The following ABHD4 variants were observed in gnomAD, a reference collection of about 807,000 sequenced individuals.
ABHD4 encodes the protein (Lyso)-N-acylphosphatidylethanolamine lipase.
In ABHD4, 35 loss-of-function variants were observed where a neutral mutation model predicts 42.3. The ratio of observed to expected loss-of-function variants is 0.83; its 90% CI spans 0.63 to 1.10. The LOEUF (loss-of-function observed/expected upper bound fraction) is 1.10, where lower values mean the gene tolerates loss of function less well. Among genes scored for constraint, ABHD4 ranks in the 50% least tolerant of loss-of-function variants. The pLI is 0.00. For synonymous variants in ABHD4, 169 were observed against 170.6 expected (o/e 0.99, Z 0.07); for missense variants, 389 against 454.8 (o/e 0.86, Z 1.32).
chr14:22,600,831 G>T (rs1337423684), intron 1 of ABHD4, among the ~76,000 whole-genome samples: 5,507 of 65,106 alleles, frequency 0.085, 136 homozygotes, highest in African/African-American at 0.22. Context: ...CCAGCAGGGG[G>T]GTGTGTGTGT....
At chr14:22,609,632 C>A in intron 5 of ABHD4, 92 bp from the exon 6 acceptor site, 4 of 1,394,854 alleles carry the variant, frequency 2.9e-6, no homozygotes, top group Non-Finnish European at 4.0e-6. Flanking sequence ...GACAGGAATA[C>A]AAAGGTGACT....
chr14:22,602,152 C>CTT (rs1167871798), intron 2 of ABHD4, among the ~76,000 whole-genome samples: 2 of 152,110 alleles, frequency 1.3e-5, no homozygotes, highest in African/African-American at 4.8e-5. Flanking sequence ...GGCCAGCAAT[C>CTT]TTGCATTCTC....
chr14:22,605,808 G>C (rs1451375270), intron 4 of ABHD4: 3 of 1,289,008 alleles, frequency 2.3e-6, no homozygotes, highest in South Asian at 2.5e-5. Flanking sequence ...GAGAGAAAGA[G>C]AGAGATCAGG....
At position 22,609,891 on chromosome 14, in the gene ABHD4, A is replaced by C. The variant is rs2037391762; in HGVS notation, c.920A>C (p.Asp307Ala). The change falls in exon 6 of 7, where the codon GAT (aspartate) becomes GCT (alanine). Residue 307 changes from aspartate (D) to alanine (A), a missense_variant. Physicochemically the swap from Asp to Ala is moderately radical, Grantham distance 126 (BLOSUM62 -2). Coordinates refer to ENST00000428304, the MANE Select transcript of ABHD4 (RefSeq NM_022060.3). Reference sequence around the variant, plus strand: ...AAAAAGGTGAAGATGCAGCGGCCGGATTCCTATGTCCGAGACATGGTATGT... The same window carrying C: ...AAAAAGGTGAAGATGCAGCGGCCGGCTTCCTATGTCCGAGACATGGTATGT... ...TGKKVKMQRP[D>A]SYVRDMEIKG... 6.2e-7 allele frequency: 1 copy of C among 1,614,060 alleles called. No homozygotes were observed. Among genetic ancestry groups the C allele is most frequent in the Non-Finnish European group, 8.5e-7 (1 of 1,179,996 alleles).
At chr14:22,605,780 TA>T in intron 4 of ABHD4, 1 of 1,286,588 alleles carries the variant, frequency 7.8e-7, no homozygotes, top group Non-Finnish European at 1.0e-6. Flanking sequence ...TTGCTTCTCA[TA>T]AACAGAGAGA....
intron 1 of ABHD4, 143 bp downstream of exon 1, chr14:22,598,472 T>A (rs1594888981): frequency 2.1e-5 from 31 of 1,473,238 alleles, no homozygotes; most frequent in East Asian, 8.4e-5. Context: ...GGGGGGTGGG[T>A]GCGTTGCTTG....
rs1334824774 is a variant in ABHD4 at position 22,612,868 on chromosome 14, G to A, written c.*1920G>A. ...TTATAAACTTGTGGTTACTTGTTTAGCGTCTCTTTCCTCCCCAGACCATAA... is the reference window on the plus strand; with the variant it reads ...TTATAAACTTGTGGTTACTTGTTTAACGTCTCTTTCCTCCCCAGACCATAA... On this transcript the variant is annotated 3_prime_UTR_variant, in exon 7 of 7. Coordinates refer to ENST00000428304, the MANE Select transcript of ABHD4 (RefSeq NM_022060.3). 6.6e-6 allele frequency: 1 copy of A among 152,128 alleles called. No individual in the cohort carries two copies. The highest frequency in any genetic ancestry group is 2.4e-5 in the African/African-American group (1 of 41,400). 9.4% of individuals were successfully genotyped at this position (152,128 alleles called of 1,614,324 possible). A position where few individuals can be genotyped will look rare whatever the true frequency, so the allele number is the denominator to read the frequency against.
chr14:22,605,204 C>T (rs2037335517), intron 4 of ABHD4, among the ~76,000 whole-genome samples: 1 of 152,144 alleles, frequency 6.6e-6, no homozygotes, highest in Non-Finnish European at 1.5e-5. Flanking sequence ...ATCAATATCT[C>T]CAGCCTTCTG....
At chr14:22,607,559 A>G (rs1045993649) in intron 5 of ABHD4, among the ~76,000 whole-genome samples, 3 of 152,156 alleles carry the variant, frequency 2.0e-5, no homozygotes, top group African/African-American at 7.2e-5. Context: ...AGCATTCCAC[A>G]TGAGCTCAGC....
At chr14:22,610,748 A>G in intron 6 of ABHD4, 111 bp from the exon 7 acceptor site, 3 of 791,482 alleles carry the variant, frequency 3.8e-6, no homozygotes, top group Non-Finnish European at 6.6e-6. Flanking sequence ...ATCTCTGATA[A>G]GAGCTCGTGG....
chr14:22,610,308 T>C (rs967801232), intron 6 of ABHD4, among the ~76,000 whole-genome samples: 2 of 152,174 alleles, frequency 1.3e-5, no homozygotes, highest in Admixed American at 6.5e-5. Flanking sequence ...CCGCCCACCT[T>C]GGCCTCCCAA....
At chr14:22,606,901 G>A (rs2037356382) in intron 5 of ABHD4, among the ~76,000 whole-genome samples, 1 of 151,662 alleles carries the variant, frequency 6.6e-6, no homozygotes, top group African/African-American at 2.4e-5. Flanking sequence ...AAAATAATTA[G>A]CAAAAACATG....
chr14:22,604,216 T>C (rs570645267), intron 4 of ABHD4, 137 bp downstream of exon 4: 3 of 1,044,554 alleles, frequency 2.9e-6, no homozygotes, highest in South Asian at 3.4e-5. Flanking sequence ...ACCAGATCAC[T>C]TTGTTCAAGG....
At chr14:22,600,342 G>A (rs1255247962) in intron 1 of ABHD4, 1 of 364,986 alleles carries the variant, frequency 2.7e-6, no homozygotes, top group African/African-American at 2.1e-5. Flanking sequence ...GGTTCAGGGA[G>A]AGAAACCTGG....
At chr14:22,607,236 C>T (rs2037359938) in intron 5 of ABHD4, among the ~76,000 whole-genome samples, 1 of 152,166 alleles carries the variant, frequency 6.6e-6, no homozygotes, top group Non-Finnish European at 1.5e-5. Context: ...CTTATTTACA[C>T]AGCAGGCCCC....
Position 22,611,329 on chromosome 14 carries a change from T to C in ABHD4, c.*381T>C, listed in dbSNP as rs116297478. 20 of 215,838 alleles carry C rather than the reference T, an allele frequency of 9.3e-5. No homozygotes were observed. Among genetic ancestry groups the C allele is most frequent in the African/African-American group, 3.8e-4 (17 of 44,580 alleles). 13.4% of individuals were successfully genotyped at this position (215,838 alleles called of 1,614,324 possible). A position where few individuals can be genotyped will look rare whatever the true frequency, so the allele number is the denominator to read the frequency against. On this transcript the variant is annotated 3_prime_UTR_variant, in exon 7 of 7. Transcript: ENST00000428304. Reference sequence around the variant, plus strand: ...CTTCCAGTGGCCTTTCCTCACTCTGTAGTGTTTGTGGGGATAGGTTCCATG... The same window carrying C: ...CTTCCAGTGGCCTTTCCTCACTCTGCAGTGTTTGTGGGGATAGGTTCCATG...
At chr14:22,604,265 T>A in intron 4 of ABHD4, 186 bp downstream of exon 4, 2 of 721,682 alleles carry the variant, frequency 2.8e-6, no homozygotes, top group Non-Finnish European at 4.4e-6. Flanking sequence ...TGTTTTGTTT[T>A]TTTGAGACAA....
intron 1 of ABHD4, 104 bp downstream of exon 1, chr14:22,598,433 C>T (rs1264149865): frequency 1.4e-5 from 21 of 1,548,406 alleles, no homozygotes; most frequent in Non-Finnish European, 1.7e-5. Flanking sequence ...TCCCGCTCTT[C>T]CTTTTCCAGG....
At chr14:22,601,816 T>TGGGAAGATCCTGAA in intron 2 of ABHD4, 61 bp downstream of exon 2, 2 of 1,466,504 alleles carry the variant, frequency 1.4e-6, no homozygotes, top group Non-Finnish European at 1.9e-6. Flanking sequence ...ATTCAGGATC[T>TGGGAAGATCCTGAA]TCCCAGAGCC....
Sources: gnomAD v4.1 joint callset for allele counts (sites outside exome capture counted in the v4.1 genomes callset) on GRCh38, gnomAD v4.1.1 for gene constraint, MANE v1.5 for transcripts, NCBI Gene and HGNC (gene_info 2026-07-23, HGNC 2026-07-21) for gene names.